The following CCNC variants were observed in gnomAD, a reference collection of about 807,000 sequenced individuals.
CCNC encodes cyclin C, also known as cyclin-C.
CCNC carries 19 observed loss-of-function variants against 50.0 expected under a neutral mutation model. The ratio of observed to expected loss-of-function variants is 0.38; its 90% CI spans 0.27 to 0.56. The LOEUF (loss-of-function observed/expected upper bound fraction) is 0.56, where lower values mean the gene tolerates loss of function less well. CCNC is among the 20% of genes least tolerant of loss of function. The pLI is 0.72. For synonymous variants in CCNC, 93 were observed against 103.7 expected (o/e 0.90, Z 0.63); for missense variants, 200 against 327.1 (o/e 0.61, Z 3.00).
intron 2 of CCNC, chr6:99,562,065 T>C (rs966105941): frequency 2.0e-5 from 3 of 153,840 alleles, no homozygotes; most frequent in African/African-American, 7.2e-5. Context: ...ACTACCACTT[T>C]TTTTGTTGTT....
At chr6:99,552,448 T>G (rs903950268) in intron 5 of CCNC, among the ~76,000 whole-genome samples, 2 of 152,106 alleles carry the variant, frequency 1.3e-5, no homozygotes, top group African/African-American at 4.8e-5. Flanking sequence ...TTAATATATA[T>G]GCAAAGGTCT....
At chr6:99,554,517 A>C (rs778734473) in intron 5 of CCNC, among the ~76,000 whole-genome samples, 2 of 152,036 alleles carry the variant, frequency 1.3e-5, no homozygotes, top group Non-Finnish European at 2.9e-5. Context: ...ATCAGTATGG[A>C]CTCATGGATA....
chr6:99,545,159 C>T lies in CCNC; in HGVS notation c.750G>A (p.Met250Ile), dbSNP rs1802022413. The change falls in exon 11 of 12, where the codon ATG (methionine) becomes ATA (isoleucine). Residue 250 changes from methionine (M) to isoleucine (I), a missense_variant. Transcript: ENST00000520429. ...TTGGCATCTTACTAAGAATGGTTGC[C>T]ATCTCTTTTCTCTCATCGAAATTCT... The part of the protein sequence containing the change: ...QWKNFDERKE[M>I]ATILSKMPKP... 1 of 1,611,368 alleles carries T rather than the reference C, an allele frequency of 6.2e-7. No individual in the cohort carries two copies. The highest frequency in any genetic ancestry group is 1.7e-4 in the Middle Eastern group (1 of 6,044).
In CCNC at chr6:99,558,558, G is replaced by C; in HGVS notation, c.295-10C>G. ...AAACTACTCCAAATTCCTAAAGAAA[G>C]AAAAGCAGGTACATGTTAACCCAAT... On this transcript the variant is annotated splice_polypyrimidine_tract_variant and intron_variant, in intron 4 of 11. Coordinates refer to ENST00000520429, the MANE Select transcript of CCNC (RefSeq NM_005190.4). 6.3e-7 allele frequency: 1 copy of C among 1,592,630 alleles called. No homozygotes were observed.
chr6:99,547,711 G>T (rs913455999), intron 9 of CCNC, among the ~76,000 whole-genome samples: 1 of 152,116 alleles, frequency 6.6e-6, no homozygotes, highest in Non-Finnish European at 1.5e-5. Context: ...ACCAAACATT[G>T]CCAAATGTCC....
chr6:99,542,950 T>A lies in CCNC; in HGVS notation c.*605A>T, dbSNP rs1418953770. On this transcript the variant is annotated 3_prime_UTR_variant, in exon 12 of 12. Coordinates refer to ENST00000520429, the MANE Select transcript of CCNC (RefSeq NM_005190.4). ...TCAAAGTATGCTATACATATTGCAC[T>A]TTTCTGCTAGGCTGGGCTAGTATCT... 1 of 152,588 alleles carries A rather than the reference T, an allele frequency of 6.6e-6. No homozygotes were observed. Among genetic ancestry groups the A allele is most frequent in the Non-Finnish European group, 1.5e-5 (1 of 68,006 alleles). The allele number at this position is 152,588 out of a possible 1,614,324, so 9.5% of individuals were successfully genotyped here. A position where few individuals can be genotyped will look rare whatever the true frequency, so the allele number is the denominator to read the frequency against.
chr6:99,568,449 G>C (rs557011377), intron 1 of CCNC, 47 bp downstream of exon 1: 1 of 1,580,902 alleles, frequency 6.3e-7, no homozygotes, highest in South Asian at 1.1e-5. Flanking sequence ...CGTCCTCACA[G>C]CTCCCCCAAA....
chr6:99,566,212 A>C (rs1769114476), intron 1 of CCNC, among the ~76,000 whole-genome samples: 1 of 151,834 alleles, frequency 6.6e-6, no homozygotes, highest in Non-Finnish European at 1.5e-5. Context: ...TTACTCTAAG[A>C]ATTAGCTTTT....
chr6:99,543,924 T>G (rs1392957604), intron 11 of CCNC: 10 of 1,265,454 alleles, frequency 7.9e-6, no homozygotes, highest in Non-Finnish European at 1.0e-5. Context: ...ACATAGAGAT[T>G]ACAGCTTCTT....
chr6:99,555,037 G>A (rs1031468604), intron 5 of CCNC, among the ~76,000 whole-genome samples: 5 of 152,086 alleles, frequency 3.3e-5, no homozygotes, highest in African/African-American at 9.7e-5. Flanking sequence ...TGAGAAACCC[G>A]GCTCTCAAAC....
At chr6:99,562,467 C>T (rs1802823224) in intron 2 of CCNC, 1 of 158,416 alleles carries the variant, frequency 6.3e-6, no homozygotes. Flanking sequence ...AAGATCTATC[C>T]CTACATCTTC....
intron 6 of CCNC, 47 bp from the exon 7 acceptor site, chr6:99,551,075 T>C (rs746320904): frequency 1.1e-6 from 1 of 945,480 alleles, no homozygotes; most frequent in Non-Finnish European, 1.4e-6. Flanking sequence ...TGAAACCAAA[T>C]TAGATAAGTC....
intron 8 of CCNC, among the ~76,000 whole-genome samples, chr6:99,549,799 T>C (rs1434863587): frequency 6.6e-6 from 1 of 152,192 alleles, no homozygotes; most frequent in African/African-American, 2.4e-5. Flanking sequence ...TAAATATATT[T>C]TAAATTTCAA....
chr6:99,565,118 C>G (rs1340097792), intron 1 of CCNC, among the ~76,000 whole-genome samples: 3 of 151,962 alleles, frequency 2.0e-5, no homozygotes, highest in Non-Finnish European at 4.4e-5. Context: ...GAAAAATACT[C>G]CCTTCTATTC....
intron 5 of CCNC, among the ~76,000 whole-genome samples, chr6:99,553,620 C>T (rs890596315): frequency 5.3e-5 from 8 of 152,138 alleles, no homozygotes; most frequent in African/African-American, 1.9e-4. Context: ...AATCTTCCAT[C>T]ACATACTAAT....
Position 99,551,079 on chromosome 6 carries a change from A to G in CCNC, c.403-51T>C, listed in dbSNP as rs758953575. On this transcript the variant is annotated intron_variant, in intron 6 of 11. Transcript: ENST00000520429. ...AAATGTCAATATGAAACCAAATTAG[A>G]TAAGTCCACTTAATCTAACATAAAT... 8.5e-5 allele frequency: 78 copies of G among 922,436 alleles called. No individual in the cohort carries two copies. The African/African-American group carries it at 1.0e-3, about 12-fold the overall frequency. The allele number at this position is 922,436 out of a possible 1,614,324, so 57.1% of individuals were successfully genotyped here. A position where few individuals can be genotyped will look rare whatever the true frequency, so the allele number is the denominator to read the frequency against.
chr6:99,547,208 A>G (rs1319353854), intron 9 of CCNC, among the ~76,000 whole-genome samples: 1 of 152,178 alleles, frequency 6.6e-6, no homozygotes, highest in Non-Finnish European at 1.5e-5. Context: ...TTTGCTAAGG[A>G]TGACATTCTA....
chr6:99,553,304 T>C (rs1210318184), intron 5 of CCNC, among the ~76,000 whole-genome samples: 1 of 152,198 alleles, frequency 6.6e-6, no homozygotes, highest in African/African-American at 2.4e-5. Flanking sequence ...CAGGTTCTTA[T>C]ATAATGGTAG....
chr6:99,552,499 G>C (rs1312016716), intron 5 of CCNC, among the ~76,000 whole-genome samples: 1 of 151,908 alleles, frequency 6.6e-6, no homozygotes, highest in Admixed American at 6.6e-5. Context: ...CATAAAGTTA[G>C]TACTCTATTA....
Sources: allele counts gnomAD v4.1 joint callset (sites outside exome capture counted in the v4.1 genomes callset), GRCh38; gene constraint gnomAD v4.1.1; transcripts MANE v1.5; gene names NCBI Gene and HGNC (gene_info 2026-07-23, HGNC 2026-07-21).